LRP1B: variants seen among roughly 807,000 people sequenced by gnomAD.
LRP1B encodes LDL receptor related protein 1B.
In LRP1B, 217 loss-of-function variants were observed where a neutral mutation model predicts 556.6. The observed-to-expected ratio is 0.39, with a 90% CI of 0.35 to 0.44. The LOEUF is 0.44. Among genes scored for constraint, LRP1B ranks in the 20% least tolerant of loss-of-function variants. The probability of loss-of-function intolerance (pLI) is 1.00; values close to 1 mark genes in which losing one functional copy is unlikely to be tolerated. For missense variants in LRP1B, 5,053 were observed against 5,620.8 expected, an observed-to-expected ratio of 0.90 and a Z score of 3.23; for synonymous variants, 2,047 against 1,865.8, an observed-to-expected ratio of 1.10 and a Z score of -2.50.
At chr2:140,764,146 T>C (rs962558320) in intron 35 of LRP1B, among the ~76,000 whole-genome samples, 2 of 152,178 alleles carry the variant, frequency 1.3e-5, no homozygotes, top group Non-Finnish European at 2.9e-5. Flanking sequence ...TAGTTTCTTT[T>C]TATAAGCTTC....
chr2:140,788,127 C>T (rs978028374), intron 32 of LRP1B, among the ~76,000 whole-genome samples: 6 of 151,996 alleles, frequency 3.9e-5, no homozygotes, highest in African/African-American at 1.5e-4. Context: ...AAACATTCCA[C>T]CATATTAATT....
intron 1 of LRP1B, among the ~76,000 whole-genome samples, chr2:141,857,451 C>G (rs1698095169): frequency 6.6e-6 from 1 of 151,884 alleles, no homozygotes; most frequent in Non-Finnish European, 1.5e-5. Flanking sequence ...AGTGATCCTC[C>G]CACCTCAGCC....
intron 43 of LRP1B, among the ~76,000 whole-genome samples, chr2:140,547,829 T>A (rs955615644): frequency 1.1e-4 from 17 of 152,024 alleles, no homozygotes; most frequent in Non-Finnish European, 2.1e-4. Context: ...GTTGTTCTAA[T>A]TTTTTGTATT....
At chr2:141,285,768 AT>A (rs1685692103) in intron 3 of LRP1B, among the ~76,000 whole-genome samples, 1 of 140,184 alleles carries the variant, frequency 7.1e-6, no homozygotes. Context: ...GAATAATAAT[AT>A]TTTTAAAAAT....
At chr2:141,983,373 G>C (rs1433268694) in intron 1 of LRP1B, among the ~76,000 whole-genome samples, 2 of 152,050 alleles carry the variant, frequency 1.3e-5, no homozygotes, top group African/African-American at 2.4e-5. Context: ...TAATTTGACT[G>C]TTCCATCAGG....
At chr2:141,347,830 G>C (rs1688307860) in intron 3 of LRP1B, among the ~76,000 whole-genome samples, 1 of 151,940 alleles carries the variant, frequency 6.6e-6, no homozygotes, top group South Asian at 2.1e-4. Context: ...AACAAAGTAT[G>C]TATTATTAAA....
At chr2:140,724,433 G>C (rs543079671) in intron 35 of LRP1B, among the ~76,000 whole-genome samples, 1 of 152,210 alleles carries the variant, frequency 6.6e-6, no homozygotes, top group East Asian at 1.9e-4. Flanking sequence ...TTTATGTTTA[G>C]CTTATCTAAT....
intron 7 of LRP1B, among the ~76,000 whole-genome samples, chr2:141,160,712 C>T (rs1679987119): frequency 6.6e-6 from 1 of 151,810 alleles, no homozygotes; most frequent in Admixed American, 6.6e-5. Flanking sequence ...TAAAAAAATA[C>T]AGTGAAAAAG....
intron 35 of LRP1B, among the ~76,000 whole-genome samples, chr2:140,756,230 T>C (rs1054535419): frequency 2.1e-4 from 32 of 152,046 alleles, no homozygotes; most frequent in African/African-American, 7.5e-4. Context: ...CTGGAAGATT[T>C]AATATTGTTA....
At chr2:141,955,360 A>G (rs1701217375) in intron 1 of LRP1B, among the ~76,000 whole-genome samples, 1 of 152,040 alleles carries the variant, frequency 6.6e-6, no homozygotes, top group African/African-American at 2.4e-5. Flanking sequence ...TAGTGTATGC[A>G]TTTTCTGCAT....
rs1691903964 is a variant in LRP1B, at chr2:141,700,520, AATT to A, written c.205+109756_205+109758del. Among the ~76,000 whole-genome samples the A allele has an allele frequency of 5.3e-5, 8 of 151,852 alleles. No homozygotes were observed. In the South Asian group the frequency reaches 1.7e-3, roughly 31 times the overall value. ...TCCTAATTTTTACATGTAACCCATA[AATT>A]ATTATGTGCACACCTCTGGGCCTCA... On this transcript the variant is annotated intron_variant, in intron 2 of 90. Coordinates refer to ENST00000389484, the MANE Select transcript of LRP1B (RefSeq NM_018557.3).
At chr2:142,042,934 T>C (rs1299668640) in intron 1 of LRP1B, among the ~76,000 whole-genome samples, 3 of 149,792 alleles carry the variant, frequency 2.0e-5, no homozygotes, top group Admixed American at 6.8e-5. Context: ...TGAATTGTGA[T>C]GCTTCAAGAG....
At chr2:141,319,691 T>A (rs1473103747) in intron 3 of LRP1B, among the ~76,000 whole-genome samples, 1 of 152,116 alleles carries the variant, frequency 6.6e-6, no homozygotes, top group Non-Finnish European at 1.5e-5. Context: ...AGGTAGATAA[T>A]ACAGTTGTCA....
intron 56 of LRP1B, 144 bp from the exon 57 acceptor site, chr2:140,492,837 G>T: frequency 1.7e-6 from 1 of 587,702 alleles, no homozygotes. Flanking sequence ...ATCATACTGA[G>T]CAACGTAGTT....
chr2:140,341,254 C>A (rs1262042064), intron 77 of LRP1B, among the ~76,000 whole-genome samples: 6 of 151,604 alleles, frequency 4.0e-5, no homozygotes, highest in African/African-American at 9.7e-5. Flanking sequence ...TTTCGTAGAT[C>A]ATTTTCTTGC....
At chr2:141,991,549 C>A (rs1181308896) in intron 1 of LRP1B, among the ~76,000 whole-genome samples, 1 of 151,960 alleles carries the variant, frequency 6.6e-6, no homozygotes, top group African/African-American at 2.4e-5. Flanking sequence ...ATATAAGTAA[C>A]TATTTTACAT....
intron 31 of LRP1B, among the ~76,000 whole-genome samples, chr2:140,819,560 T>C (rs1691247216): frequency 6.6e-6 from 1 of 151,794 alleles, no homozygotes; most frequent in African/African-American, 2.4e-5. Flanking sequence ...AGAAGAAAAC[T>C]TCACAGAAAA....
chr2:140,360,447 T>C (rs1450996969), intron 72 of LRP1B, among the ~76,000 whole-genome samples: 2 of 151,586 alleles, frequency 1.3e-5, no homozygotes, highest in African/African-American at 4.8e-5. Flanking sequence ...ACAGCTTCCA[T>C]AGCTTTATCC....
chr2:140,750,572 A>G (rs1688541720), intron 35 of LRP1B, among the ~76,000 whole-genome samples: 1 of 152,194 alleles, frequency 6.6e-6, no homozygotes, highest in Non-Finnish European at 1.5e-5. Context: ...ATTAAACAAA[A>G]CATGAATGCC....
Sources: allele counts gnomAD v4.1 joint callset (sites outside exome capture counted in the v4.1 genomes callset), GRCh38; gene constraint gnomAD v4.1.1; transcripts MANE v1.5; gene names NCBI Gene and HGNC (gene_info 2026-07-23, HGNC 2026-07-21).